MYOZ2: variants seen among roughly 807,000 people sequenced by gnomAD.
MYOZ2 encodes myozenin 2.
A neutral mutation model predicts 25.4 loss-of-function variants in MYOZ2; 19 were observed. The ratio of observed to expected loss-of-function variants is 0.75; its 90% CI spans 0.52 to 1.10. The LOEUF is 1.10. Ranked by LOEUF, MYOZ2 falls within the 50% of genes least tolerant of loss-of-function variation. MYOZ2 has a pLI of 0.00. For synonymous variants in MYOZ2, 92 were observed against 106.9 expected, an observed-to-expected ratio of 0.86 and a Z score of 0.86; for missense variants, 270 against 317.9, an observed-to-expected ratio of 0.85 and a Z score of 1.15.
Position 119,185,987 on chromosome 4 carries a change from T to C in MYOZ2, c.582T>C (p.Gly194=), listed in dbSNP as rs1168983359. The C allele has an allele frequency of 6.2e-7, 1 of 1,613,606 alleles. No homozygotes were observed. The highest frequency in any genetic ancestry group is 8.5e-7 in the Non-Finnish European group (1 of 1,179,952). ...SFNRVATPFG[G]FEKASRMVKF... ...ACAGGGTTGCCACACCATTTGGAGGTTTTGAAAAAGCATCAAGAATGGTTA... is the reference window on the plus strand; with the variant it reads ...ACAGGGTTGCCACACCATTTGGAGGCTTTGAAAAAGCATCAAGAATGGTTA... Residue 194 remains glycine, a synonymous_variant, in exon 6 of 6, where the codon GGT becomes GGC. Coordinates refer to ENST00000307128, the MANE Select transcript of MYOZ2 (RefSeq NM_016599.5).
In MYOZ2 at chr4:119,158,146, C is replaced by T. The variant is rs1349408042; in HGVS notation, c.371C>T (p.Ala124Val). 6.2e-7 allele frequency: 1 copy of T among 1,614,050 alleles called. No individual in the cohort carries two copies. Among genetic ancestry groups the T allele is most frequent in the South Asian group, 1.1e-5 (1 of 91,084 alleles). The change falls in exon 4 of 6, where the codon GCT (alanine) becomes GTT (valine). Residue 124 changes from alanine (A) to valine (V), a missense_variant. Transcript: ENST00000307128. ...AGCCCTCCAAATCCAGACAACATTG[C>T]TCCAGGTAACCAATCCCCTTACCAA... is the stretch of plus-strand genomic sequence containing the variant. ...PRSPPNPDNI[A>V]PGYSGPLKEI...
At chr4:119,144,276 G>A (rs115956126) in intron 2 of MYOZ2, among the ~76,000 whole-genome samples, 4,205 of 152,188 alleles carry the variant, frequency 0.028, 72 homozygotes, top group South Asian at 0.054. Context: ...AGATTCACCC[G>A]GGTCTTGTTC....
Position 119,160,942 on chromosome 4 carries a change from A to AAT in MYOZ2, c.376+2791_376+2792insAT. Reference sequence around the variant, plus strand: ...TTGTATATAAATTTATATATAAATAACTGTATTATTCTTATAACACCCTAC... The same window carrying AAT: ...TTGTATATAAATTTATATATAAATAAATCTGTATTATTCTTATAACACCCTAC... On this transcript the variant is annotated intron_variant, in intron 4 of 5. Transcript: ENST00000307128. 3.6e-4 allele frequency among the ~76,000 whole-genome samples: 5 copies of AAT among 14,006 alleles called. No individual in the cohort carries two copies. The South Asian group carries it at 7.2e-3, about 20-fold the overall frequency. The allele number at this position is 14,006 out of a possible 152,430, so 9.2% of individuals were successfully genotyped here. A position where few individuals can be genotyped will look rare whatever the true frequency, so the allele number is the denominator to read the frequency against.
At chr4:119,145,755 C>T (rs1379566252) in intron 2 of MYOZ2, among the ~76,000 whole-genome samples, 1 of 152,082 alleles carries the variant, frequency 6.6e-6, no homozygotes, top group Non-Finnish European at 1.5e-5. Context: ...GAACTCTCTT[C>T]TATTTTGGGG....
At position 119,186,339 on chromosome 4, in the gene MYOZ2, T is replaced by A; in HGVS notation, c.*139T>A. On this transcript the variant is annotated 3_prime_UTR_variant, in exon 6 of 6. Transcript: ENST00000307128. Reference sequence around the variant, plus strand: ...GTGATTTTCCTTTTCTGACATTCAATTTCAATCTCAGATCAAATACTAATA... The same window carrying A: ...GTGATTTTCCTTTTCTGACATTCAAATTCAATCTCAGATCAAATACTAATA... The A allele has an allele frequency of 1.5e-6, 1 of 674,698 alleles. No individual in the cohort carries two copies. Among genetic ancestry groups the A allele is most frequent in the South Asian group, 1.9e-5 (1 of 53,740 alleles). 41.8% of individuals were successfully genotyped at this position (674,698 alleles called of 1,614,324 possible). A position where few individuals can be genotyped will look rare whatever the true frequency, so the allele number is the denominator to read the frequency against.
chr4:119,152,682 G>C (rs1004574604), intron 3 of MYOZ2, among the ~76,000 whole-genome samples: 2 of 151,944 alleles, frequency 1.3e-5, no homozygotes, highest in Non-Finnish European at 2.9e-5. Flanking sequence ...AAGACTGGGC[G>C]CTGAATAAAT....
intron 5 of MYOZ2, among the ~76,000 whole-genome samples, chr4:119,165,178 TA>T (rs1561122449): frequency 6.6e-6 from 1 of 151,236 alleles, no homozygotes; most frequent in South Asian, 2.1e-4. Context: ...TTTTTTTATT[TA>T]AAAAAAGAAT....
chr4:119,184,238 A>G (rs148656759), intron 5 of MYOZ2, among the ~76,000 whole-genome samples: 238 of 152,310 alleles, frequency 1.6e-3, no homozygotes, highest in African/African-American at 5.5e-3. Flanking sequence ...AAGGAAATCC[A>G]TATTCCTTAT....
intron 2 of MYOZ2, among the ~76,000 whole-genome samples, chr4:119,143,321 G>A (rs749821975): frequency 4.0e-5 from 6 of 151,594 alleles, no homozygotes; most frequent in Admixed American, 2.0e-4. Flanking sequence ...TCAGCCTCCC[G>A]AGTAGCTGGG....
intron 5 of MYOZ2, among the ~76,000 whole-genome samples, chr4:119,179,317 C>G (rs901478907): frequency 6.6e-6 from 1 of 152,172 alleles, no homozygotes; most frequent in African/African-American, 2.4e-5. Context: ...ATGCTTTCCT[C>G]AGATTTTCAG....
intron 5 of MYOZ2, among the ~76,000 whole-genome samples, chr4:119,178,577 C>A (rs949813788): frequency 1.3e-5 from 2 of 152,112 alleles, no homozygotes; most frequent in South Asian, 4.1e-4. Flanking sequence ...ATACTCTATA[C>A]CATCAGCAAC....
chr4:119,173,975 C>G (rs1741998869), intron 5 of MYOZ2, among the ~76,000 whole-genome samples: 1 of 152,244 alleles, frequency 6.6e-6, no homozygotes, highest in African/African-American at 2.4e-5. Context: ...CAGTGCCAGC[C>G]CACCGGCGCT....
At chr4:119,145,507 TG>T (rs1741269491) in intron 2 of MYOZ2, among the ~76,000 whole-genome samples, 1 of 4,848 alleles carries the variant, frequency 2.1e-4, no homozygotes, top group Non-Finnish European at 5.0e-4. Flanking sequence ...CAGCTAAAAC[TG>T]TGTGTGTGTG....
chr4:119,161,938 A>G (rs1741718334), intron 4 of MYOZ2, among the ~76,000 whole-genome samples: 1 of 152,202 alleles, frequency 6.6e-6, no homozygotes, highest in Admixed American at 6.5e-5. Context: ...TTTTAAACAA[A>G]TTTTATAAAA....
chr4:119,146,149 A>G (rs571087790), intron 2 of MYOZ2, among the ~76,000 whole-genome samples: 10 of 152,168 alleles, frequency 6.6e-5, no homozygotes, highest in South Asian at 6.2e-4. Context: ...AGATTTATCA[A>G]TTTTACTGAT....
chr4:119,168,007 C>T (rs958057558), intron 5 of MYOZ2, among the ~76,000 whole-genome samples: 2 of 152,212 alleles, frequency 1.3e-5, no homozygotes, highest in African/African-American at 2.4e-5. Context: ...GAGTCTCGCT[C>T]TGTCACCCAG....
At chr4:119,161,273 A>G (rs1741703264) in intron 4 of MYOZ2, among the ~76,000 whole-genome samples, 1 of 152,174 alleles carries the variant, frequency 6.6e-6, no homozygotes, top group Non-Finnish European at 1.5e-5. Flanking sequence ...GGGTATTATT[A>G]TGTACTTTAC....
At chr4:119,166,708 C>T (rs1398137581) in intron 5 of MYOZ2, among the ~76,000 whole-genome samples, 1 of 152,144 alleles carries the variant, frequency 6.6e-6, no homozygotes, top group East Asian at 1.9e-4. Flanking sequence ...CTGTGTCAAG[C>T]AAGTCTATTG....
intron 5 of MYOZ2, among the ~76,000 whole-genome samples, chr4:119,167,353 CT>C (rs1366639060): frequency 3.3e-5 from 5 of 152,200 alleles, no homozygotes; most frequent in Non-Finnish European, 5.9e-5. Context: ...CTTTCTTCAA[CT>C]TTATGAAGGC....
Sources: allele counts gnomAD v4.1 joint callset (sites outside exome capture counted in the v4.1 genomes callset), GRCh38; gene constraint gnomAD v4.1.1; transcripts MANE v1.5; gene names NCBI Gene and HGNC (gene_info 2026-07-23, HGNC 2026-07-21).